The following HAPLN1 variants were observed in gnomAD, a reference collection of about 807,000 sequenced individuals.
HAPLN1 encodes the protein hyaluronan and proteoglycan link protein 1.
HAPLN1 carries 13 observed loss-of-function variants against 36.5 expected under a neutral mutation model. That is an observed-to-expected ratio of 0.36 (90% CI 0.23 to 0.57). HAPLN1 has a LOEUF of 0.57. HAPLN1 is among the 20% of genes least tolerant of loss of function. The pLI, the probability that HAPLN1 is intolerant of heterozygous loss-of-function variation, is 0.83. For synonymous variants in HAPLN1, 202 were observed against 169.8 expected, an observed-to-expected ratio of 1.19 and a Z score of -1.48; for missense variants, 407 against 439.7, an observed-to-expected ratio of 0.93 and a Z score of 0.66.
intron 1 of HAPLN1, among the ~76,000 whole-genome samples, chr5:83,687,066 AT>A (rs1441419800): frequency 1.3e-5 from 2 of 152,198 alleles, no homozygotes; most frequent in Non-Finnish European, 2.9e-5. Context: ...AAATTACGAA[AT>A]ATGTAAAACA....
chr5:83,659,180 A>G (rs959130856), intron 2 of HAPLN1, among the ~76,000 whole-genome samples: 2 of 152,086 alleles, frequency 1.3e-5, no homozygotes, highest in Admixed American at 1.3e-4. Flanking sequence ...AGGCCGAGGC[A>G]GGAGAATCGC....
intron 1 of HAPLN1, chr5:83,674,678 C>T (rs1480440576): frequency 1.3e-5 from 2 of 152,184 alleles, no homozygotes; most frequent in Non-Finnish European, 2.9e-5. Flanking sequence ...ACTGAAATTG[C>T]ACAGTACTGG....
intron 1 of HAPLN1, among the ~76,000 whole-genome samples, chr5:83,719,476 A>T (rs1319868217): frequency 2.0e-5 from 3 of 152,210 alleles, no homozygotes; most frequent in South Asian, 2.1e-4. Context: ...AAACAATTAA[A>T]TTTTTTAAAA....
chr5:83,718,859 G>T (rs1448191461), intron 1 of HAPLN1, among the ~76,000 whole-genome samples: 1 of 152,162 alleles, frequency 6.6e-6, no homozygotes, highest in Non-Finnish European at 1.5e-5. Context: ...CTAAGGAAGG[G>T]AGTCATTTTC....
chr5:83,647,407 T>TC (rs1413341671), intron 3 of HAPLN1, among the ~76,000 whole-genome samples: 2 of 152,230 alleles, frequency 1.3e-5, no homozygotes, highest in African/African-American at 4.8e-5. Context: ...TATGCTTTAC[T>TC]CAAAGTTTTA....
At chr5:83,691,992 T>TA (rs113560221) in intron 1 of HAPLN1, among the ~76,000 whole-genome samples, 23 of 150,718 alleles carry the variant, frequency 1.5e-4, no homozygotes, top group South Asian at 2.1e-4. Context: ...TTGTCTAAGA[T>TA]AAAAAAAAAT....
chr5:83,688,642 CTTTTTTTTTTTTTTTT>C (rs539790396), intron 1 of HAPLN1, among the ~76,000 whole-genome samples: 23 of 80,588 alleles, frequency 2.9e-4, no homozygotes, highest in East Asian at 1.0e-3. Flanking sequence ...GCTTTTGATT[CTTTTTTTTTTTTTTTT>C]TTTTTTTTTT....
At position 83,712,288 on chromosome 5, in the gene HAPLN1, T is replaced by A. The variant is rs147289480; in HGVS notation, c.-27+8501A>T. ...TATACCTGTTGTATATTATATATAT[T>A]TTTTTCTGAATGTATGGTCCTTAAT... On this transcript the variant is annotated intron_variant, in intron 1 of 4. Coordinates refer to ENST00000274341, the MANE Select transcript of HAPLN1 (RefSeq NM_001884.4). Among the ~76,000 whole-genome samples the A allele has an allele frequency of 6.2e-3, 938 of 152,250 alleles. 29 individuals are homozygous for A. Among genetic ancestry groups the A allele is most frequent in the Admixed American group, 0.052 (800 of 15,292 alleles).
chr5:83,710,486 T>G (rs1296793757), intron 1 of HAPLN1, among the ~76,000 whole-genome samples: 1 of 151,888 alleles, frequency 6.6e-6, no homozygotes, highest in Non-Finnish European at 1.5e-5. Context: ...GAAAGCTCAT[T>G]ACAGTAAGTT....
At chr5:83,715,736 A>G (rs1751901250) in intron 1 of HAPLN1, among the ~76,000 whole-genome samples, 2 of 152,202 alleles carry the variant, frequency 1.3e-5, no homozygotes, top group Non-Finnish European at 2.9e-5. Flanking sequence ...TTCCAGGCCC[A>G]TCTGTGTCCA....
At chr5:83,656,037 TTTGA>T (rs1274805666) in intron 2 of HAPLN1, among the ~76,000 whole-genome samples, 3 of 152,174 alleles carry the variant, frequency 2.0e-5, no homozygotes, top group African/African-American at 7.2e-5. Flanking sequence ...ATCAAAACTG[TTTGA>T]TTGGGGCTGG....
chr5:83,696,285 T>G (rs1272952223), intron 1 of HAPLN1, among the ~76,000 whole-genome samples: 1 of 152,134 alleles, frequency 6.6e-6, no homozygotes, highest in African/African-American at 2.4e-5. Context: ...AGATATGGTA[T>G]TTTCATAAAA....
intron 1 of HAPLN1, among the ~76,000 whole-genome samples, chr5:83,680,626 A>T (rs1750976727): frequency 6.6e-6 from 1 of 152,194 alleles, no homozygotes; most frequent in Non-Finnish European, 1.5e-5. Flanking sequence ...TTTGATGATG[A>T]TGGTGACATT....
intron 2 of HAPLN1, among the ~76,000 whole-genome samples, chr5:83,665,462 G>C (rs1246474696): frequency 6.6e-6 from 1 of 152,140 alleles, no homozygotes; most frequent in Non-Finnish European, 1.5e-5. Context: ...AGCAGGGAGG[G>C]AAGCAGCATT....
intron 1 of HAPLN1, chr5:83,674,486 G>T (rs1270633479): frequency 6.6e-6 from 1 of 152,158 alleles, no homozygotes; most frequent in East Asian, 1.9e-4. Context: ...CCAAAAGTTT[G>T]TCATTGGAAG....
chr5:83,667,457 A>G (rs1000851268), intron 2 of HAPLN1, among the ~76,000 whole-genome samples: 1 of 152,128 alleles, frequency 6.6e-6, no homozygotes, highest in African/African-American at 2.4e-5. Context: ...AGACAGAATT[A>G]TTAACTATAT....
At chr5:83,646,392 A>G (rs867135227) in intron 3 of HAPLN1, among the ~76,000 whole-genome samples, 1 of 152,248 alleles carries the variant, frequency 6.6e-6, no homozygotes, top group African/African-American at 2.4e-5. Context: ...GCTATTCAAG[A>G]TGATGTACAA....
intron 1 of HAPLN1, among the ~76,000 whole-genome samples, chr5:83,693,620 G>A (rs1395695353): frequency 6.6e-6 from 1 of 151,706 alleles, no homozygotes; most frequent in Non-Finnish European, 1.5e-5. Context: ...TATATGACAA[G>A]TAAAAGGATG....
intron 2 of HAPLN1, among the ~76,000 whole-genome samples, chr5:83,661,686 G>A (rs952879749): frequency 6.6e-6 from 1 of 151,976 alleles, no homozygotes; most frequent in Admixed American, 6.6e-5. Context: ...CTCGTGATCC[G>A]CCCGCCTCGG....
Sources: gnomAD v4.1 joint callset for allele counts (sites outside exome capture counted in the v4.1 genomes callset) on GRCh38, gnomAD v4.1.1 for gene constraint, MANE v1.5 for transcripts, NCBI Gene and HGNC (gene_info 2026-07-23, HGNC 2026-07-21) for gene names.